ACTR3C: variants seen among roughly 807,000 people sequenced by gnomAD.
ACTR3C encodes actin-related protein 3C.
In ACTR3C, 18 loss-of-function variants were observed where a neutral mutation model predicts 26.3. That is an observed-to-expected ratio of 0.68 (90% confidence interval 0.47 to 1.01). The LOEUF (loss-of-function observed/expected upper bound fraction) is 1.01. ACTR3C is among the 50% of genes least tolerant of loss of function. The pLI is 0.00. For missense variants in ACTR3C, 184 were observed against 250.7 expected, an observed-to-expected ratio of 0.73 and a Z score of 1.80; for synonymous variants, 55 against 94.5, an observed-to-expected ratio of 0.58 and a Z score of 2.42.
chr7:149,962,403 G>A, the ACTR3C span, among the ~76,000 whole-genome samples: 1 of 152,192 alleles, frequency 6.6e-6, no homozygotes, highest in Non-Finnish European at 1.5e-5. Flanking sequence ...ATTTGGATCT[G>A]CACAGATTTG....
chr7:149,963,979 A>AGGAG, the ACTR3C span, among the ~76,000 whole-genome samples: 2 of 152,188 alleles, frequency 1.3e-5, no homozygotes, highest in Non-Finnish European at 2.9e-5. Context: ...ACACAAAGGA[A>AGGAG]GGAGTGGTCA....
the ACTR3C span, among the ~76,000 whole-genome samples, chr7:150,158,969 A>G: frequency 6.6e-6 from 1 of 150,958 alleles, no homozygotes; most frequent in African/African-American, 2.4e-5. Flanking sequence ...ACACGTGCGC[A>G]CACACAGGCA....
intron 1 of ACTR3C, among the ~76,000 whole-genome samples, chr7:150,316,100 G>C (rs775568295): frequency 4.1e-4 from 62 of 152,180 alleles, no homozygotes; most frequent in Non-Finnish European, 8.2e-4. Flanking sequence ...AGGAGGCTAA[G>C]GCAGGATAAT....
chr7:150,056,532 T>C, the ACTR3C span, among the ~76,000 whole-genome samples: 1 of 152,196 alleles, frequency 6.6e-6, no homozygotes, highest in Non-Finnish European at 1.5e-5. Context: ...CTCTCAACAA[T>C]TACTTATATT....
chr7:150,209,881 T>C, the ACTR3C span, among the ~76,000 whole-genome samples: 1 of 144,858 alleles, frequency 6.9e-6, no homozygotes, highest in Admixed American at 7.0e-5. Context: ...ATTGGGCCAC[T>C]GCACTCCAGC....
the ACTR3C span, among the ~76,000 whole-genome samples, chr7:150,059,465 C>G: frequency 6.6e-6 from 1 of 152,176 alleles, no homozygotes; most frequent in Admixed American, 6.5e-5. Flanking sequence ...AATCTGGAGG[C>G]AAATGTGTGT....
the ACTR3C span, among the ~76,000 whole-genome samples, chr7:150,111,822 C>T: frequency 6.8e-6 from 1 of 146,288 alleles, no homozygotes; most frequent in Non-Finnish European, 1.5e-5. Flanking sequence ...CAGGTGAAAA[C>T]GCTAATCCCT....
chr7:149,931,701 A>T, the ACTR3C span, among the ~76,000 whole-genome samples: 1 of 152,348 alleles, frequency 6.6e-6, no homozygotes, highest in East Asian at 1.9e-4. Context: ...CCCAGTGAGG[A>T]AGCAGCTCCT....
At chr7:149,960,748 T>C in the ACTR3C span, among the ~76,000 whole-genome samples, 1 of 152,006 alleles carries the variant, frequency 6.6e-6, no homozygotes, top group Non-Finnish European at 1.5e-5. Flanking sequence ...AAGAAATCTA[T>C]GGATGAACTG....
chr7:149,909,295 G>C, the ACTR3C span, among the ~76,000 whole-genome samples: 1 of 147,380 alleles, frequency 6.8e-6, no homozygotes, highest in African/African-American at 2.6e-5. Context: ...TTTCAATAGA[G>C]TGAATAGTGT....
chr7:150,068,782 C>CAAAAAAAAAAAAAAAAAAAAACAAAAAAA, the ACTR3C span, among the ~76,000 whole-genome samples: 1 of 76,758 alleles, frequency 1.3e-5, no homozygotes, highest in African/African-American at 4.3e-5. Flanking sequence ...GACTCCGTCC[C>CAAAAAAAAAAAAAAAAAAAAACAAAAAAA]AAAAAAAAAA....
At chr7:150,178,086 G>A in the ACTR3C span, among the ~76,000 whole-genome samples, 1,206 of 150,468 alleles carry the variant, frequency 8.0e-3, 93 homozygotes, top group African/African-American at 0.029. Context: ...AGGACACAAT[G>A]CCTTATCACC....
chr7:150,105,898 G>C, the ACTR3C span, among the ~76,000 whole-genome samples: 1 of 152,060 alleles, frequency 6.6e-6, no homozygotes, highest in Admixed American at 6.6e-5. Flanking sequence ...GGCACTACAA[G>C]AGTGAAACTT....
chr7:149,926,504 A>G, the ACTR3C span, among the ~76,000 whole-genome samples: 2 of 152,218 alleles, frequency 1.3e-5, no homozygotes, highest in Admixed American at 1.3e-4. Context: ...GGGTGTCTGC[A>G]TGACAAGTCC....
the ACTR3C span, among the ~76,000 whole-genome samples, chr7:150,195,106 T>A: frequency 2.2e-5 from 3 of 133,714 alleles, no homozygotes; most frequent in African/African-American, 8.8e-5. Context: ...AATACATATA[T>A]GTATATATAT....
the ACTR3C span, among the ~76,000 whole-genome samples, chr7:150,151,016 C>T: frequency 1.6e-5 from 2 of 125,064 alleles, no homozygotes; most frequent in African/African-American, 2.8e-5. Context: ...TTTATTTCTG[C>T]TTTATATTTA....
the ACTR3C span, among the ~76,000 whole-genome samples, chr7:150,117,180 TGGA>T: frequency 6.6e-6 from 1 of 152,080 alleles, no homozygotes; most frequent in Admixed American, 6.5e-5. Flanking sequence ...CCAAGCTAGC[TGGA>T]GGAGTTTTTT....
chr7:150,316,547 G>A (rs1425722983), intron 1 of ACTR3C, among the ~76,000 whole-genome samples: 28 of 144,044 alleles, frequency 1.9e-4, no homozygotes, highest in Admixed American at 2.2e-4. Flanking sequence ...GTGCAGTGGC[G>A]CGATCTCAGC....
chr7:150,300,495 G>C (rs1795370962), intron 1 of ACTR3C, among the ~76,000 whole-genome samples: 1 of 152,080 alleles, frequency 6.6e-6, no homozygotes, highest in Admixed American at 6.5e-5. Flanking sequence ...AAGAGGCGAG[G>C]GGGGCACGCT....
Sources: allele counts gnomAD v4.1 joint callset (sites outside exome capture counted in the v4.1 genomes callset), GRCh38; gene constraint gnomAD v4.1.1; transcripts MANE v1.5; gene names NCBI Gene and HGNC (gene_info 2026-07-23, HGNC 2026-07-21).